The following DIP2C variants were observed in gnomAD, a reference collection of about 807,000 sequenced individuals.
The protein encoded by DIP2C is disco-interacting protein 2 homolog C.
A neutral mutation model predicts 192.4 loss-of-function variants in DIP2C; 33 were observed. That is an observed-to-expected ratio of 0.17 (90% CI 0.13 to 0.23). The LOEUF is 0.23. Among genes scored for constraint, DIP2C ranks in the 10% least tolerant of loss-of-function variants. The probability of loss-of-function intolerance (pLI) is 1.00; values close to 1 mark genes in which losing one functional copy is unlikely to be tolerated. For synonymous variants in DIP2C, 979 were observed against 864.1 expected, an observed-to-expected ratio of 1.13 and a Z score of -2.33; for missense variants, 1,537 against 2,110.1, an observed-to-expected ratio of 0.73 and a Z score of 5.32.
At chr10:480,572 C>T (rs1189240458) in intron 2 of DIP2C, among the ~76,000 whole-genome samples, 2 of 152,258 alleles carry the variant, frequency 1.3e-5, no homozygotes, top group Admixed American at 6.5e-5. Context: ...ACTTTGCTTA[C>T]ACCTCGGATT....
At chr10:659,104 A>G (rs986816594) in intron 1 of DIP2C, among the ~76,000 whole-genome samples, 3 of 152,252 alleles carry the variant, frequency 2.0e-5, no homozygotes, top group Non-Finnish European at 4.4e-5. Context: ...ATATACATAC[A>G]TGTTCATGCA....
chr10:478,980 TG>T (rs1441570483), intron 2 of DIP2C, among the ~76,000 whole-genome samples: 1 of 152,154 alleles, frequency 6.6e-6, no homozygotes, highest in Non-Finnish European at 1.5e-5. Context: ...GCAAGCGCTC[TG>T]GGCTCCACAG....
Position 506,616 on chromosome 10 carries a change from C to T in DIP2C, c.86-20086G>A, listed in dbSNP as rs1019180716. Among the ~76,000 whole-genome samples, 10 of 152,202 alleles carry T rather than the reference C, an allele frequency of 6.6e-5. No homozygotes were observed. In the East Asian group the frequency reaches 1.2e-3, roughly 18 times the overall value. ...CATGCAGAAGGCACTCCCAGCAACA[C>T]GCATGCCTACACCACCCTGCACCAA... On this transcript the variant is annotated intron_variant, in intron 1 of 36. Transcript: ENST00000280886.
chr10:299,514 T>C (rs1955918895), intron 32 of DIP2C, among the ~76,000 whole-genome samples: 1 of 152,222 alleles, frequency 6.6e-6, no homozygotes, highest in African/African-American at 2.4e-5. Context: ...TCAAAGTGGA[T>C]CAATGACATA....
chr10:572,761 C>G (rs1320220961), intron 1 of DIP2C, among the ~76,000 whole-genome samples: 1 of 152,150 alleles, frequency 6.6e-6, no homozygotes, highest in Non-Finnish European at 1.5e-5. Flanking sequence ...TCCAAATGAT[C>G]CACAAGCCAG....
At chr10:384,951 G>C (rs368858063) in intron 14 of DIP2C, among the ~76,000 whole-genome samples, 3 of 151,494 alleles carry the variant, frequency 2.0e-5, no homozygotes, top group African/African-American at 4.8e-5. Context: ...GGGCCAGGAG[G>C]AGCAGCAGTT....
intron 1 of DIP2C, among the ~76,000 whole-genome samples, chr10:608,748 G>A (rs1404021363): frequency 4.1e-5 from 5 of 121,566 alleles, no homozygotes; most frequent in Non-Finnish European, 6.8e-5. Flanking sequence ...AAAACAATTC[G>A]TACTTGCATT....
At chr10:471,239 T>A (rs192606397) in intron 3 of DIP2C, among the ~76,000 whole-genome samples, 17 of 152,150 alleles carry the variant, frequency 1.1e-4, no homozygotes, top group African/African-American at 3.6e-4. Context: ...TGTGTCCTCT[T>A]TTGCATGGGT....
intron 1 of DIP2C, among the ~76,000 whole-genome samples, chr10:509,824 G>T (rs1165581358): frequency 6.6e-6 from 1 of 152,052 alleles, no homozygotes; most frequent in African/African-American, 2.4e-5. Context: ...GAGCAGCTTG[G>T]AGAGGACAGG....
At position 552,667 on chromosome 10, in the gene DIP2C, G is replaced by A. The variant is rs926055633; in HGVS notation, c.86-66137C>T. 5.3e-5 allele frequency among the ~76,000 whole-genome samples: 8 copies of A among 152,158 alleles called. No homozygotes were observed. In the South Asian group the frequency reaches 1.0e-3, roughly 20 times the overall value. ...AGATCTAGACCATCCTGGCTAACAC[G>A]GTGAAACCCCGTCTCTAGTAAAAAT... On this transcript the variant is annotated intron_variant, in intron 1 of 36. Coordinates refer to ENST00000280886, the MANE Select transcript of DIP2C (RefSeq NM_014974.3).
At chr10:344,939 C>T (rs1477886730) in intron 27 of DIP2C, 21 bp from the exon 28 acceptor site, 1 of 1,602,978 alleles carries the variant, frequency 6.2e-7, no homozygotes, top group Admixed American at 1.7e-5. Context: ...ACATGACTAT[C>T]AGCAGATCCA....
At chr10:626,444 C>CCCCCCGTCCCCAGGGTTACCCTCCGT (rs1854206206) in intron 1 of DIP2C, among the ~76,000 whole-genome samples, 3 of 148,466 alleles carry the variant, frequency 2.0e-5, no homozygotes, top group African/African-American at 7.8e-5. Context: ...TACCCTCCGT[C>CCCCCCGTCCCCAGGGTTACCCTCCGT]CCCCCGTCCC....
chr10:473,105 T>C (rs1437597644), intron 2 of DIP2C, among the ~76,000 whole-genome samples: 2 of 152,220 alleles, frequency 1.3e-5, no homozygotes, highest in African/African-American at 4.8e-5. Context: ...TTTTAACAGA[T>C]TATGTTCGAC....
chr10:506,732 C>G (rs1467109416), intron 1 of DIP2C, among the ~76,000 whole-genome samples: 2 of 152,232 alleles, frequency 1.3e-5, no homozygotes, highest in African/African-American at 2.4e-5. Flanking sequence ...CGGCCACAGC[C>G]TGGAGCCCCC....
intron 1 of DIP2C, among the ~76,000 whole-genome samples, chr10:603,034 TA>T (rs1374911706): frequency 6.6e-6 from 1 of 152,102 alleles, no homozygotes; most frequent in Non-Finnish European, 1.5e-5. Flanking sequence ...CTACGTCTTA[TA>T]AAACCAAACC....
At chr10:326,666 G>A (rs1008518901) in intron 31 of DIP2C, among the ~76,000 whole-genome samples, 18 of 152,202 alleles carry the variant, frequency 1.2e-4, no homozygotes, top group Non-Finnish European at 2.5e-4. Flanking sequence ...CTACACGCGT[G>A]GGACTAAGTA....
At chr10:686,876 A>G (rs907216896) in intron 1 of DIP2C, among the ~76,000 whole-genome samples, 1 of 152,256 alleles carries the variant, frequency 6.6e-6, no homozygotes, top group African/African-American at 2.4e-5. Context: ...AAACCCACAC[A>G]ATGCGTAACC....
intron 1 of DIP2C, among the ~76,000 whole-genome samples, chr10:563,608 CAATGAA>C (rs1564203301): frequency 6.6e-6 from 1 of 152,062 alleles, no homozygotes; most frequent in Non-Finnish European, 1.5e-5. Flanking sequence ...AATTTCACAA[CAATGAA>C]AATGAAAAAG....
intron 32 of DIP2C, among the ~76,000 whole-genome samples, chr10:307,674 C>T (rs1002009737): frequency 1.2e-4 from 18 of 151,952 alleles, no homozygotes; most frequent in Admixed American, 3.3e-4. Context: ...GAGAACATCG[C>T]GGAGAAAAAA....
Sources: allele counts gnomAD v4.1 joint callset (sites outside exome capture counted in the v4.1 genomes callset), GRCh38; gene constraint gnomAD v4.1.1; transcripts MANE v1.5; gene names NCBI Gene and HGNC (gene_info 2026-07-23, HGNC 2026-07-21).